Variants in ASIC2 observed in about 807,000 individuals in gnomAD.
ASIC2 encodes the protein acid-sensing ion channel 2.
ASIC2 carries 25 observed loss-of-function variants against 57.3 expected under a neutral mutation model. The observed-to-expected ratio is 0.44, with a 90% CI of 0.32 to 0.61. ASIC2 has a LOEUF of 0.61. Among genes scored for constraint, ASIC2 ranks in the 20% least tolerant of loss-of-function variants. The pLI is 0.06. For synonymous variants in ASIC2, 319 were observed against 307.5 expected (o/e 1.04, Z -0.39); for missense variants, 641 against 738.1 (o/e 0.87, Z 1.52).
chr17:33,559,297 C>T (rs1372598720), intron 1 of ASIC2, among the ~76,000 whole-genome samples: 2 of 152,170 alleles, frequency 1.3e-5, no homozygotes, highest in Non-Finnish European at 2.9e-5. Flanking sequence ...GGCCCCCTTC[C>T]TCACAGCTCC....
In ASIC2 at chr17:33,457,753, A is replaced by G. The variant is rs1411161230; in HGVS notation, c.556-345686T>C. 3.3e-5 allele frequency among the ~76,000 whole-genome samples: 5 copies of G among 152,322 alleles called. No homozygotes were observed. The Middle Eastern group carries it at 0.014, about 414-fold the overall frequency. ...GACAGGTGCTGGCCAAGGGCTTTGC[A>G]TGCATTGTCTTATTTAATTCTTACT... On this transcript the variant is annotated intron_variant, in intron 1 of 9. Coordinates refer to the ASIC2 transcript ENST00000359872.
At chr17:33,908,768 T>C (rs1915400699) in intron 1 of ASIC2, among the ~76,000 whole-genome samples, 4 of 152,192 alleles carry the variant, frequency 2.6e-5, no homozygotes, top group Admixed American at 2.6e-4. Context: ...TAGTCAAAGA[T>C]TGGAACTAGA....
chr17:34,099,375 GA>G (rs902161419), intron 1 of ASIC2, among the ~76,000 whole-genome samples: 3 of 120,830 alleles, frequency 2.5e-5, no homozygotes, highest in African/African-American at 6.5e-5. Flanking sequence ...AGGAAAGAAA[GA>G]AAAAAGAGAA....
intron 1 of ASIC2, among the ~76,000 whole-genome samples, chr17:33,180,755 G>A (rs1288476732): frequency 3.3e-5 from 5 of 152,142 alleles, no homozygotes; most frequent in African/African-American, 1.2e-4. Flanking sequence ...CTATTGACCA[G>A]ACTCCTAACT....
At chr17:33,045,189 C>T (rs531504206) in intron 3 of ASIC2, among the ~76,000 whole-genome samples, 219 of 152,214 alleles carry the variant, frequency 1.4e-3, no homozygotes, top group Non-Finnish European at 1.8e-3. Flanking sequence ...AGGTATCACC[C>T]TTGTTAAATG....
intron 1 of ASIC2, among the ~76,000 whole-genome samples, chr17:33,205,676 T>C (rs1175596400): frequency 6.6e-6 from 1 of 152,232 alleles, no homozygotes; most frequent in Non-Finnish European, 1.5e-5. Context: ...ACTGGCCTCT[T>C]GCTGGAGGCA....
At chr17:33,421,209 G>A (rs780692769) in intron 1 of ASIC2, among the ~76,000 whole-genome samples, 30 of 152,184 alleles carry the variant, frequency 2.0e-4, no homozygotes, top group Non-Finnish European at 3.4e-4. Flanking sequence ...CAGCAGGGAG[G>A]AGGGGGCACA....
At chr17:33,518,889 C>A (rs370755690) in intron 1 of ASIC2, among the ~76,000 whole-genome samples, 1 of 151,646 alleles carries the variant, frequency 6.6e-6, no homozygotes, top group Admixed American at 6.6e-5. Context: ...GGCGTGATCT[C>A]GGCTCACTGC....
chr17:33,381,891 T>A (rs1466854130), intron 1 of ASIC2, among the ~76,000 whole-genome samples: 1 of 152,202 alleles, frequency 6.6e-6, no homozygotes, highest in East Asian at 1.9e-4. Context: ...TGAGGGTTAC[T>A]GTAAAGATGA....
At chr17:33,217,979 G>A (rs1287728260) in intron 1 of ASIC2, among the ~76,000 whole-genome samples, 4 of 152,228 alleles carry the variant, frequency 2.6e-5, no homozygotes, top group African/African-American at 4.8e-5. Flanking sequence ...CACACTGTGC[G>A]CAGAAGCCCT....
chr17:33,607,260 G>A (rs768477918), intron 1 of ASIC2, among the ~76,000 whole-genome samples: 6 of 152,152 alleles, frequency 3.9e-5, no homozygotes, highest in South Asian at 2.1e-4. Flanking sequence ...CTGCCCAAAC[G>A]CAACCTCCTG....
At chr17:33,315,272 C>G (rs1906599021) in intron 1 of ASIC2, among the ~76,000 whole-genome samples, 1 of 152,160 alleles carries the variant, frequency 6.6e-6, no homozygotes, top group Non-Finnish European at 1.5e-5. Flanking sequence ...TAATGTTGCT[C>G]TCTGCAAGCA....
chr17:33,263,236 C>T (rs530153508), intron 1 of ASIC2, among the ~76,000 whole-genome samples: 13 of 152,292 alleles, frequency 8.5e-5, no homozygotes, highest in African/African-American at 3.1e-4. Context: ...TGTGTTTATG[C>T]TACATGATTC....
At chr17:33,470,627 C>T (rs117414688) in intron 1 of ASIC2, among the ~76,000 whole-genome samples, 122 of 152,288 alleles carry the variant, frequency 8.0e-4, no homozygotes, top group African/African-American at 2.0e-3. Context: ...AAAGCCATCA[C>T]CTGCTCTTCA....
At chr17:33,625,964 C>T (rs1905971458) in intron 1 of ASIC2, among the ~76,000 whole-genome samples, 1 of 152,186 alleles carries the variant, frequency 6.6e-6, no homozygotes, top group Non-Finnish European at 1.5e-5. Context: ...GGTAGGAATT[C>T]CAGGGCAGGC....
intron 1 of ASIC2, among the ~76,000 whole-genome samples, chr17:33,118,665 C>T (rs1451485617): frequency 2.0e-5 from 3 of 152,144 alleles, no homozygotes; most frequent in Non-Finnish European, 2.9e-5. Context: ...CTCCAAACTT[C>T]TTATTTTGCA....
At chr17:33,689,417 T>A (rs946432583) in intron 1 of ASIC2, among the ~76,000 whole-genome samples, 1 of 152,180 alleles carries the variant, frequency 6.6e-6, no homozygotes, top group African/African-American at 2.4e-5. Flanking sequence ...ACACGCTAGA[T>A]GCCAGTACAC....
intron 1 of ASIC2, among the ~76,000 whole-genome samples, chr17:33,172,243 G>C (rs1404478619): frequency 6.6e-6 from 1 of 152,196 alleles, no homozygotes; most frequent in African/African-American, 2.4e-5. Flanking sequence ...AGTTCAGCTT[G>C]TGAAGGTAAA....
At chr17:33,418,024 A>ATGTGTGTGTGTGTGTGTGTG (rs57341033) in intron 1 of ASIC2, among the ~76,000 whole-genome samples, 1 of 110,248 alleles carries the variant, frequency 9.1e-6, no homozygotes, top group Non-Finnish European at 2.2e-5. Context: ...CTCAGCATGT[A>ATGTGTGTGTGTGTGTGTGTG]TGTATGTGTG....
Sources: gnomAD v4.1 joint callset for allele counts (sites outside exome capture counted in the v4.1 genomes callset) on GRCh38, gnomAD v4.1.1 for gene constraint, MANE v1.5 for transcripts, NCBI Gene and HGNC (gene_info 2026-07-23, HGNC 2026-07-21) for gene names.